Variants in SLC26A8 observed in about 807,000 individuals in gnomAD.
SLC26A8 encodes the protein testis anion transporter 1.
SLC26A8 carries 70 observed loss-of-function variants against 105.0 expected under a neutral mutation model. That is an observed-to-expected ratio of 0.67 (90% CI 0.55 to 0.81). SLC26A8 has a LOEUF of 0.81. Among genes scored for constraint, SLC26A8 ranks in the 40% least tolerant of loss-of-function variants. The probability of loss-of-function intolerance (pLI) is 0.00; values close to 1 mark genes in which losing one functional copy is unlikely to be tolerated. For missense variants in SLC26A8, 998 were observed against 1,181.8 expected, an observed-to-expected ratio of 0.84 and a Z score of 2.28; for synonymous variants, 415 against 438.3, an observed-to-expected ratio of 0.95 and a Z score of 0.66.
rs1302327823 is a variant in SLC26A8, at chr6:35,977,244, T to C, written c.1133A>G (p.Lys378Arg). The change falls in exon 9 of 20, where the codon AAG becomes AGG. Residue 378 changes from lysine to arginine, a missense_variant. Coordinates refer to ENST00000490799, the MANE Select transcript of SLC26A8 (RefSeq NM_052961.4). ...ACTGTAATTGTGAAGACTGGCAATCTTCTTGCCCAGAAATATGAGCAGAAA... is the reference window on the plus strand; with the variant it reads ...ACTGTAATTGTGAAGACTGGCAATCCTCTTGCCCAGAAATATGAGCAGAAA... ...SSFLLIFLGK[K>R]IASLHNYSVN... The C allele has an allele frequency of 3.1e-6, 5 of 1,613,976 alleles. No homozygotes were observed. Among genetic ancestry groups the C allele is most frequent in the Non-Finnish European group, 4.2e-6 (5 of 1,180,004 alleles).
chr6:35,959,179 C>T (rs1418299420), intron 16 of SLC26A8, among the ~76,000 whole-genome samples: 1 of 152,222 alleles, frequency 6.6e-6, no homozygotes, highest in Admixed American at 6.5e-5. Flanking sequence ...ACAGTCTCAA[C>T]AGGCAAACTG....
chr6:35,977,443 T>C (rs965193528), intron 8 of SLC26A8, 92 bp from the exon 9 acceptor site: 38 of 222,922 alleles, frequency 1.7e-4, no homozygotes, highest in East Asian at 1.6e-3. Flanking sequence ...GTCCTGATTC[T>C]TTTTTTTTTT....
intron 3 of SLC26A8, among the ~76,000 whole-genome samples, chr6:36,009,751 G>T (rs1314922958): frequency 6.6e-6 from 1 of 152,162 alleles, no homozygotes; most frequent in Non-Finnish European, 1.5e-5. Context: ...GAATCTTTGT[G>T]GTGGTGAAAG....
At chr6:35,957,295 T>G (rs1216428100) in intron 16 of SLC26A8, among the ~76,000 whole-genome samples, 1 of 151,872 alleles carries the variant, frequency 6.6e-6, no homozygotes, top group African/African-American at 2.4e-5. Flanking sequence ...GAAGAATTCC[T>G]TTGCTAGAGT....
Position 35,975,371 on chromosome 6 carries a change from A to G in SLC26A8, c.1287+4T>C. 6.5e-7 allele frequency: 1 copy of G among 1,536,618 alleles called. No homozygotes were observed. The highest frequency in any genetic ancestry group is 1.1e-5 in the South Asian group (1 of 88,696). On this transcript the variant is annotated splice_donor_region_variant and intron_variant, in intron 10 of 19. Coordinates refer to ENST00000490799, the MANE Select transcript of SLC26A8 (RefSeq NM_052961.4). Reference sequence around the variant, plus strand: ...ATTAGAGATCAAATTGTATTTCAACATACCTGTTGTCTTCCTCCAGATTTA... The same window carrying G: ...ATTAGAGATCAAATTGTATTTCAACGTACCTGTTGTCTTCCTCCAGATTTA...
intron 17 of SLC26A8, among the ~76,000 whole-genome samples, chr6:35,951,922 G>T (rs1179323475): frequency 2.0e-5 from 3 of 152,258 alleles, no homozygotes; most frequent in Middle Eastern, 6.8e-3. Flanking sequence ...TTGTCTGGGG[G>T]TATATGTACC....
Position 35,955,061 on chromosome 6 carries a change from C to A in SLC26A8, c.2232+91G>T, listed in dbSNP as rs189911097. ...GCCTAGCAGTCTCATAGCAGCTGATCAGTGACTAACAGAATTCAATCAGGA... is the reference window on the plus strand; with the variant it reads ...GCCTAGCAGTCTCATAGCAGCTGATAAGTGACTAACAGAATTCAATCAGGA... On this transcript the variant is annotated intron_variant, in intron 17 of 19. Transcript: ENST00000490799. 4.7e-6 allele frequency: 7 copies of A among 1,503,284 alleles called. No individual in the cohort carries two copies. In the East Asian group the frequency reaches 1.6e-4, roughly 34 times the overall value. 93.1% of individuals were successfully genotyped at this position (1,503,284 alleles called of 1,614,324 possible). A position where few individuals can be genotyped will look rare whatever the true frequency, so the allele number is the denominator to read the frequency against.
chr6:35,992,421 G>A lies in SLC26A8; in HGVS notation c.792+89C>T, dbSNP rs529021334. ...TATAGGCTGTGTCTCCTTTCAGAAG[G>A]GGCGGGAGTCTCCCTACTGAGCTCC... On this transcript the variant is annotated intron_variant, in intron 6 of 19. Transcript: ENST00000490799. The A allele has an allele frequency of 1.4e-5, 19 of 1,359,802 alleles. No homozygotes were observed. In the East Asian group the frequency reaches 4.2e-4, roughly 30 times the overall value. The allele number at this position is 1,359,802 out of a possible 1,614,324, so 84.2% of individuals were successfully genotyped here.
intron 2 of SLC26A8, among the ~76,000 whole-genome samples, chr6:36,012,919 G>A (rs559569959): frequency 6.6e-6 from 1 of 152,174 alleles, no homozygotes; most frequent in African/African-American, 2.4e-5. Flanking sequence ...GAGTCCCCAA[G>A]TGCGAGGCAG....
At chr6:35,991,882 G>T (rs1562053228) in intron 6 of SLC26A8, 74 bp from the exon 7 acceptor site, 1 of 1,395,434 alleles carries the variant, frequency 7.2e-7, no homozygotes, top group East Asian at 2.6e-5. Flanking sequence ...TGACACTGTA[G>T]ATTAACCCAA....
Position 35,943,752 on chromosome 6 carries a change from C to T in SLC26A8, c.*148G>A. 11 of 1,186,382 alleles carry T rather than the reference C, an allele frequency of 9.3e-6. No homozygotes were observed. Among genetic ancestry groups the T allele is most frequent in the Non-Finnish European group, 1.3e-5 (11 of 864,864 alleles). The allele number at this position is 1,186,382 out of a possible 1,614,324, so 73.5% of individuals were successfully genotyped here. A position where few individuals can be genotyped will look rare whatever the true frequency, so the allele number is the denominator to read the frequency against. On this transcript the variant is annotated 3_prime_UTR_variant, in exon 20 of 20. Transcript: ENST00000490799. ...TTGGGAGTATGATCCCAGCGCAGAG[C>T]AAGGAAGAAGGCTGGCAGGTAGTAG...
intron 9 of SLC26A8, 24 bp downstream of exon 9, chr6:35,977,180 C>T (rs747590408): frequency 1.2e-6 from 2 of 1,601,100 alleles, no homozygotes; most frequent in African/African-American, 1.3e-5. Flanking sequence ...AGTTAAGGAT[C>T]AGAGGAAGTA....
rs1771863111 is a variant in SLC26A8 at position 35,951,312 on chromosome 6, A to C, written c.2323T>G (p.Phe775Val). The change falls in exon 19 of 20, where the codon TTT becomes GTT. Residue 775 changes from phenylalanine (F) to valine (V), a missense_variant. Transcript: ENST00000490799. ...TGGGTCTTGGTGATGCCAGCGTCAAAGAAATCATTCCTCTCAAATGCCCTG... is the reference window on the plus strand; with the variant it reads ...TGGGTCTTGGTGATGCCAGCGTCAACGAAATCATTCCTCTCAAATGCCCTG... ...IVRAFERNDF[F>V]DAGITKTQLF... The C allele has an allele frequency of 6.2e-7, 1 of 1,614,038 alleles. No homozygotes were observed. Among genetic ancestry groups the C allele is most frequent in the Admixed American group, 1.7e-5 (1 of 59,996 alleles).
chr6:35,980,529 G>T (rs1243093199), intron 8 of SLC26A8, among the ~76,000 whole-genome samples: 1 of 152,132 alleles, frequency 6.6e-6, no homozygotes, highest in Admixed American at 6.5e-5. Context: ...CAATCCCACT[G>T]TTGTTCTTGT....
At chr6:36,021,084 TGTAA>T (rs1270089047) in intron 1 of SLC26A8, among the ~76,000 whole-genome samples, 1 of 152,172 alleles carries the variant, frequency 6.6e-6, no homozygotes, top group African/African-American at 2.4e-5. Flanking sequence ...TTTTAGAAAA[TGTAA>T]GTAATTGGGC....
intron 10 of SLC26A8, chr6:35,969,183 A>T (rs922195375): frequency 1.2e-5 from 6 of 486,780 alleles, no homozygotes; most frequent in Non-Finnish European, 2.3e-5. Flanking sequence ...GCTCCCTGAA[A>T]AGCTCCACGT....
intron 3 of SLC26A8, among the ~76,000 whole-genome samples, chr6:36,005,624 T>C (rs2127362882): frequency 6.6e-6 from 1 of 152,354 alleles, no homozygotes; most frequent in South Asian, 2.1e-4. Context: ...ATCACAGGAT[T>C]CATGATATCC....
intron 17 of SLC26A8, among the ~76,000 whole-genome samples, chr6:35,954,058 C>T (rs191648530): frequency 5.9e-5 from 9 of 152,190 alleles, no homozygotes; most frequent in African/African-American, 2.2e-4. Context: ...TGAGCCATCA[C>T]CAAGAGGGAG....
chr6:35,979,730 T>C (rs1250560864), intron 8 of SLC26A8, among the ~76,000 whole-genome samples: 1 of 152,236 alleles, frequency 6.6e-6, no homozygotes, highest in East Asian at 1.9e-4. Context: ...CTACTGTTTT[T>C]CCTTTCTGTT....
Sources: gnomAD v4.1 joint callset for allele counts (sites outside exome capture counted in the v4.1 genomes callset) on GRCh38, gnomAD v4.1.1 for gene constraint, MANE v1.5 for transcripts, NCBI Gene and HGNC (gene_info 2026-07-23, HGNC 2026-07-21) for gene names.